VMP1: variants seen among roughly 807,000 people sequenced by gnomAD.
The protein encoded by VMP1 is vacuole membrane protein 1.
A neutral mutation model predicts 56.0 loss-of-function variants in VMP1; 11 were observed. The observed-to-expected ratio is 0.20, with a 90% CI of 0.12 to 0.32. The LOEUF is 0.32. Among genes scored for constraint, VMP1 ranks in the 10% least tolerant of loss-of-function variants. The pLI is 1.00. For missense variants in VMP1, 296 were observed against 490.3 expected, an observed-to-expected ratio of 0.60 and a Z score of 3.74; for synonymous variants, 149 against 165.0, an observed-to-expected ratio of 0.90 and a Z score of 0.74.
chr17:59,721,301 G>A (rs956119181), intron 1 of VMP1, among the ~76,000 whole-genome samples: 4 of 152,076 alleles, frequency 2.6e-5, no homozygotes, highest in Middle Eastern at 6.8e-3. Context: ...AGCCATGATC[G>A]CCCCATTGCA....
chr17:59,787,187 A>G (rs1383407131), intron 7 of VMP1, among the ~76,000 whole-genome samples: 2 of 152,142 alleles, frequency 1.3e-5, no homozygotes, highest in African/African-American at 2.4e-5. Flanking sequence ...TAGCACTTAG[A>G]GTAATTCTGG....
chr17:59,759,098 A>G (rs770448731), intron 5 of VMP1, among the ~76,000 whole-genome samples: 3 of 152,134 alleles, frequency 2.0e-5, no homozygotes, highest in East Asian at 1.9e-4. Context: ...AACAACAACA[A>G]CAACAAAATT....
At chr17:59,779,999 C>T (rs1392688421) in intron 7 of VMP1, among the ~76,000 whole-genome samples, 1 of 152,144 alleles carries the variant, frequency 6.6e-6, no homozygotes, top group Non-Finnish European at 1.5e-5. Flanking sequence ...CAGTCTTTAT[C>T]TATCTACTGT....
chr17:59,836,397 C>T (rs767246467), intron 10 of VMP1, among the ~76,000 whole-genome samples: 48 of 151,758 alleles, frequency 3.2e-4, no homozygotes, highest in Non-Finnish European at 5.0e-4. Flanking sequence ...AGGGTTTCAC[C>T]ATGTTTCCCA....
In VMP1 at chr17:59,834,951, G is replaced by A. The variant is rs554321680; in HGVS notation, c.975-3344G>A. Among the ~76,000 whole-genome samples the A allele has an allele frequency of 2.3e-3, 322 of 139,118 alleles. 2 individuals carry two copies. The highest frequency in any genetic ancestry group is 3.8e-3 in the Non-Finnish European group (239 of 62,972). The allele number at this position is 139,118 out of a possible 152,430, so 91.3% of individuals were successfully genotyped here. A position where few individuals can be genotyped will look rare whatever the true frequency, so the allele number is the denominator to read the frequency against. ...ATTTTTGTCTTTTTGGTAGAGACAG[G>A]GTTTCGCCATGTTGGCCAGGCTGGT... is the stretch of plus-strand genomic sequence containing the variant. On this transcript the variant is annotated intron_variant, in intron 10 of 11. Coordinates refer to ENST00000262291, the MANE Select transcript of VMP1 (RefSeq NM_030938.5).
intron 1 of VMP1, among the ~76,000 whole-genome samples, chr17:59,718,331 G>T (rs1052362656): frequency 1.3e-5 from 2 of 151,350 alleles, no homozygotes; most frequent in African/African-American, 4.9e-5. Context: ...CAAGTAGCTG[G>T]GATTACAGGC....
chr17:59,767,308 G>A (rs1162378469), intron 6 of VMP1, among the ~76,000 whole-genome samples: 2 of 152,046 alleles, frequency 1.3e-5, no homozygotes, highest in Non-Finnish European at 2.9e-5. Flanking sequence ...TAGCAATTGT[G>A]TTCTGCTTTA....
At position 59,738,820 on chromosome 17, in the gene VMP1, T is replaced by G; in HGVS notation, c.304-17T>G. On this transcript the variant is annotated splice_polypyrimidine_tract_variant and intron_variant, in intron 4 of 11. Coordinates refer to ENST00000262291, the MANE Select transcript of VMP1 (RefSeq NM_030938.5). ...GTATAGAGAATTCACGGTTTTCACC[T>G]CATCCCTTTTTTTCAGTATGTGCAA... The G allele has an allele frequency of 1.3e-6, 2 of 1,563,078 alleles. No individual in the cohort carries two copies. The highest frequency in any genetic ancestry group is 1.8e-6 in the Non-Finnish European group (2 of 1,135,494).
At chr17:59,723,802 T>G (rs2034487593) in intron 1 of VMP1, among the ~76,000 whole-genome samples, 1 of 152,100 alleles carries the variant, frequency 6.6e-6, no homozygotes. Flanking sequence ...CTTTGGTAAG[T>G]AGAGGACACT....
chr17:59,738,506 T>C (rs903798777), intron 4 of VMP1, among the ~76,000 whole-genome samples: 4 of 152,252 alleles, frequency 2.6e-5, no homozygotes, highest in African/African-American at 9.6e-5. Flanking sequence ...TCTAAATGCA[T>C]TTATTTTAAA....
intron 7 of VMP1, among the ~76,000 whole-genome samples, chr17:59,805,266 T>C (rs943943855): frequency 6.6e-6 from 1 of 152,232 alleles, no homozygotes; most frequent in Non-Finnish European, 1.5e-5. Context: ...TTTTCGTTCT[T>C]GCCTAATTGC....
At position 59,742,969 on chromosome 17, in the gene VMP1, C is replaced by A. The variant is rs1195822650; in HGVS notation, c.414+4022C>A. The stretch of plus-strand genomic sequence containing the variant: ...AGGTCTGTGGAAAACTTGTCTTCCA[C>A]GAAACTGGTTCCTGGTGCCCAAAAG... On this transcript the variant is annotated intron_variant, in intron 5 of 11. Coordinates refer to ENST00000262291, the MANE Select transcript of VMP1 (RefSeq NM_030938.5). 2.6e-5 allele frequency among the ~76,000 whole-genome samples: 4 copies of A among 152,106 alleles called. No individual in the cohort carries two copies. In the South Asian group the frequency reaches 8.3e-4, roughly 31 times the overall value.
intron 7 of VMP1, among the ~76,000 whole-genome samples, chr17:59,797,226 T>C (rs2037470259): frequency 6.9e-6 from 1 of 145,282 alleles, no homozygotes; most frequent in South Asian, 2.2e-4. Flanking sequence ...TAGTCCGAGC[T>C]ACTGGGGAGG....
intron 10 of VMP1, among the ~76,000 whole-genome samples, chr17:59,828,693 T>G (rs1568224733): frequency 6.6e-6 from 1 of 152,212 alleles, no homozygotes; most frequent in Non-Finnish European, 1.5e-5. Flanking sequence ...CCTGAATTTA[T>G]TTTATGTTGG....
At chr17:59,773,301 C>T (rs549723763) in intron 6 of VMP1, among the ~76,000 whole-genome samples, 17 of 146,200 alleles carry the variant, frequency 1.2e-4, no homozygotes, top group African/African-American at 1.9e-4. Flanking sequence ...ATATCAGAAG[C>T]GGTGGGGGGG....
intron 7 of VMP1, among the ~76,000 whole-genome samples, chr17:59,789,835 C>T (rs1316045642): frequency 1.7e-4 from 15 of 85,976 alleles, no homozygotes; most frequent in South Asian, 1.6e-3. Context: ...CTTTCTTTCC[C>T]TTTTTTTTTT....
At chr17:59,712,414 C>T (rs1192561389) in intron 1 of VMP1, among the ~76,000 whole-genome samples, 1 of 152,200 alleles carries the variant, frequency 6.6e-6, no homozygotes, top group South Asian at 2.1e-4. Context: ...TAAGCCATAA[C>T]ACAGAATTTG....
intron 10 of VMP1, among the ~76,000 whole-genome samples, chr17:59,837,007 C>T (rs536084512): frequency 6.6e-6 from 1 of 151,880 alleles, no homozygotes; most frequent in Admixed American, 6.6e-5. Flanking sequence ...CAAGACCAGC[C>T]TGGCAAAGAT....
chr17:59,819,236 ATAAAG>A (rs1248668346), intron 10 of VMP1, among the ~76,000 whole-genome samples: 3 of 152,218 alleles, frequency 2.0e-5, no homozygotes, highest in Non-Finnish European at 4.4e-5. Flanking sequence ...ATCCTTACAA[ATAAAG>A]TATTTTATAT....
Sources: gnomAD v4.1 joint callset for allele counts (sites outside exome capture counted in the v4.1 genomes callset) on GRCh38, gnomAD v4.1.1 for gene constraint, MANE v1.5 for transcripts, NCBI Gene and HGNC (gene_info 2026-07-23, HGNC 2026-07-21) for gene names.